The following CTNNA3 variants were observed in gnomAD, a reference collection of about 807,000 sequenced individuals.
CTNNA3 encodes the protein catenin alpha-3.
In CTNNA3, 76 loss-of-function variants were observed where a neutral mutation model predicts 95.7. The observed-to-expected ratio is 0.79, with a 90% confidence interval of 0.66 to 0.96. The LOEUF is 0.96. Among genes scored for constraint, CTNNA3 ranks in the 40% least tolerant of loss-of-function variants. The pLI is 0.00. For synonymous variants in CTNNA3, 431 were observed against 374.4 expected, an observed-to-expected ratio of 1.15 and a Z score of -1.74; for missense variants, 1,191 against 1,089.8, an observed-to-expected ratio of 1.09 and a Z score of -1.31.
At chr10:66,180,060 T>C (rs1453828500) in intron 13 of CTNNA3, among the ~76,000 whole-genome samples, 3 of 152,196 alleles carry the variant, frequency 2.0e-5, no homozygotes, top group African/African-American at 7.2e-5. Context: ...GATGCTGACC[T>C]AATGGCGGCA....
At chr10:66,863,070 A>G (rs1001451281) in intron 7 of CTNNA3, among the ~76,000 whole-genome samples, 10 of 151,722 alleles carry the variant, frequency 6.6e-5, no homozygotes, top group Non-Finnish European at 1.2e-4. Flanking sequence ...TTGTTCTTAA[A>G]CCTTTGGACT....
In CTNNA3 at chr10:66,799,934, A is replaced by G. The variant is rs536680556; in HGVS notation, c.1048-24410T>C. ...TGAACACCTTTAAAGTACTTAAAGA[A>G]AAAAAAAATCCTGCCAACCAAGAAT... On this transcript the variant is annotated intron_variant, in intron 7 of 17. Transcript: ENST00000433211. Among the ~76,000 whole-genome samples, 5 of 150,930 alleles carry G rather than the reference A, an allele frequency of 3.3e-5. No individual in the cohort carries two copies. The East Asian group carries it at 5.8e-4, about 18-fold the overall frequency.
intron 3 of CTNNA3, among the ~76,000 whole-genome samples, chr10:67,551,169 T>A (rs1014598642): frequency 6.6e-6 from 1 of 151,970 alleles, no homozygotes; most frequent in Non-Finnish European, 1.5e-5. Context: ...CACAAGCGGC[T>A]GCACGTGGAG....
chr10:66,307,349 T>C (rs977826170), intron 12 of CTNNA3, among the ~76,000 whole-genome samples: 6 of 152,188 alleles, frequency 3.9e-5, no homozygotes, highest in Non-Finnish European at 5.9e-5. Context: ...TTACATATCA[T>C]TTGCATGTGT....
At chr10:67,572,492 A>G (rs552735209) in intron 3 of CTNNA3, among the ~76,000 whole-genome samples, 1 of 152,254 alleles carries the variant, frequency 6.6e-6, no homozygotes, top group South Asian at 2.1e-4. Flanking sequence ...AGATTCTTTC[A>G]TAAACTTTAC....
chr10:67,097,976 C>T, intron 7 of CTNNA3: 2 of 605,564 alleles, frequency 3.3e-6, no homozygotes, highest in South Asian at 4.1e-5. Flanking sequence ...TTTAAGTCTA[C>T]ACTTTGTAAT....
chr10:66,664,526 G>A (rs1202359486), intron 9 of CTNNA3, among the ~76,000 whole-genome samples: 1 of 151,870 alleles, frequency 6.6e-6, no homozygotes, highest in South Asian at 2.1e-4. Flanking sequence ...TAGTAGTTGT[G>A]AGCCTTGTCA....
chr10:66,950,267 A>G (rs994810544), intron 7 of CTNNA3, among the ~76,000 whole-genome samples: 3 of 152,106 alleles, frequency 2.0e-5, no homozygotes, highest in Non-Finnish European at 4.4e-5. Flanking sequence ...TTTTACTTCT[A>G]TAGCCATTAA....
intron 7 of CTNNA3, among the ~76,000 whole-genome samples, chr10:66,970,603 T>C (rs1451613059): frequency 6.6e-6 from 1 of 152,002 alleles, no homozygotes; most frequent in East Asian, 1.9e-4. Context: ...AAGAGGAAGG[T>C]ATAGAAATTT....
chr10:66,549,088 A>T (rs1042721079), intron 10 of CTNNA3, among the ~76,000 whole-genome samples: 2 of 144,006 alleles, frequency 1.4e-5, no homozygotes, highest in Non-Finnish European at 3.0e-5. Context: ...TCCCGGGTTG[A>T]CGCCATTCTC....
At position 67,577,359 on chromosome 10, in the gene CTNNA3, C is replaced by T. The variant is rs576728066; in HGVS notation, c.292+29498G>A. Among the ~76,000 whole-genome samples the T allele has an allele frequency of 3.3e-5, 5 of 150,598 alleles. No individual in the cohort carries two copies. In the East Asian group the frequency reaches 9.7e-4, roughly 29 times the overall value. ...AGAAGTGTCTGTTCATGTCCTTTGC[C>T]CACTTTTTGATGGGGTTGTTTGTTT... On this transcript the variant is annotated intron_variant, in intron 3 of 17. Transcript: ENST00000433211.
chr10:66,570,764 G>A (rs960613990), intron 10 of CTNNA3, among the ~76,000 whole-genome samples: 2 of 151,850 alleles, frequency 1.3e-5, no homozygotes, highest in Admixed American at 6.6e-5. Flanking sequence ...TAATGGAAAT[G>A]TTTTTTAAAC....
At chr10:66,965,289 C>T (rs1258114168) in intron 7 of CTNNA3, among the ~76,000 whole-genome samples, 1 of 151,994 alleles carries the variant, frequency 6.6e-6, no homozygotes, top group Non-Finnish European at 1.5e-5. Flanking sequence ...GTAATCTCAA[C>T]ACTTTGGGAG....
chr10:66,447,226 A>G (rs2093429348), intron 11 of CTNNA3, among the ~76,000 whole-genome samples: 2 of 152,184 alleles, frequency 1.3e-5, no homozygotes, highest in Admixed American at 1.3e-4. Context: ...GGAAGAATCA[A>G]TATCGTGAAA....
chr10:66,383,373 A>G (rs1204131027), intron 11 of CTNNA3, among the ~76,000 whole-genome samples: 1 of 152,208 alleles, frequency 6.6e-6, no homozygotes, highest in African/African-American at 2.4e-5. Context: ...TAATGAAATA[A>G]AGTGAGAAGA....
intron 5 of CTNNA3, among the ~76,000 whole-genome samples, chr10:67,436,418 A>G (rs1429049689): frequency 6.6e-6 from 1 of 152,174 alleles, no homozygotes; most frequent in Non-Finnish European, 1.5e-5. Flanking sequence ...TTAGGCAAGG[A>G]TTTCATTACC....
intron 7 of CTNNA3, among the ~76,000 whole-genome samples, chr10:66,778,264 C>T (rs1013534295): frequency 3.3e-5 from 5 of 152,080 alleles, no homozygotes; most frequent in South Asian, 2.1e-4. Context: ...CCATTTTATG[C>T]CTCTTTATTC....
intron 9 of CTNNA3, among the ~76,000 whole-genome samples, chr10:66,644,602 C>T (rs538321402): frequency 6.6e-6 from 1 of 151,778 alleles, no homozygotes; most frequent in East Asian, 1.9e-4. Flanking sequence ...AATATAGAGA[C>T]ATCCCTTGCA....
chr10:66,310,236 T>G (rs2132257294), intron 12 of CTNNA3, among the ~76,000 whole-genome samples: 1 of 152,296 alleles, frequency 6.6e-6, no homozygotes, highest in African/African-American at 2.4e-5. Context: ...CTTTCATGAC[T>G]TTACCACTTT....
Sources: allele counts gnomAD v4.1 joint callset (sites outside exome capture counted in the v4.1 genomes callset), GRCh38; gene constraint gnomAD v4.1.1; transcripts MANE v1.5; gene names NCBI Gene and HGNC (gene_info 2026-07-23, HGNC 2026-07-21).